PHACTR1: variants seen among roughly 807,000 people sequenced by gnomAD.
The protein encoded by PHACTR1 is RPEL repeat containing 1.
Under a neutral mutation model 69.2 loss-of-function variants are expected in PHACTR1, and 16 were observed. That is an observed-to-expected ratio of 0.23 (90% CI 0.16 to 0.35). The LOEUF is 0.35. Among genes scored for constraint, PHACTR1 ranks in the 10% least tolerant of loss-of-function variants. The pLI is 1.00. For missense variants in PHACTR1, 510 were observed against 734.7 expected (o/e 0.69, Z 3.54); for synonymous variants, 312 against 284.5 (o/e 1.10, Z -0.97).
chr6:13,035,401 T>G (rs1803157295), intron 4 of PHACTR1, among the ~76,000 whole-genome samples: 1 of 148,612 alleles, frequency 6.7e-6, no homozygotes, highest in South Asian at 2.2e-4. Context: ...TTTCAAAATA[T>G]AAATATTCCA....
chr6:13,186,263 A>G lies in PHACTR1; in HGVS notation c.664+3577A>G, dbSNP rs545264172. Among the ~76,000 whole-genome samples the G allele has an allele frequency of 3.3e-5, 5 of 152,338 alleles. No homozygotes were observed. The South Asian group carries it at 6.2e-4, about 19-fold the overall frequency. The stretch of plus-strand genomic sequence containing the variant: ...ATATCCACTGTCCATCTGTCTGTCT[A>G]TTGAATAAAAATTGAATGTTGCTGT... On this transcript the variant is annotated intron_variant, in intron 7 of 14. Coordinates refer to ENST00000332995, the MANE Select transcript of PHACTR1 (RefSeq NM_030948.6).
intron 8 of PHACTR1, among the ~76,000 whole-genome samples, chr6:13,211,659 T>C (rs147332291): frequency 1.3e-5 from 2 of 152,304 alleles, no homozygotes; most frequent in African/African-American, 2.4e-5. Context: ...TTTCTCTGGT[T>C]CCCCACATCT....
At position 13,148,062 on chromosome 6, in the gene PHACTR1, A is replaced by T. The variant is rs190997217; in HGVS notation, c.416-12142A>T. On this transcript the variant is annotated intron_variant, in intron 5 of 14. Coordinates refer to ENST00000332995, the MANE Select transcript of PHACTR1 (RefSeq NM_030948.6). The stretch of plus-strand genomic sequence containing the variant: ...TTAGAGATACATTTCTCTAAACCAT[A>T]TATTGAGTTTTTCTGGTTTTTGAAC... 3.8e-3 allele frequency among the ~76,000 whole-genome samples: 574 copies of T among 150,628 alleles called. 6 individuals carry two copies. The highest frequency in any genetic ancestry group is 0.013 in the African/African-American group (546 of 41,112).
At chr6:13,216,981 C>G (rs928798666) in intron 8 of PHACTR1, among the ~76,000 whole-genome samples, 3 of 151,920 alleles carry the variant, frequency 2.0e-5, no homozygotes. Flanking sequence ...ATTTTTTTTG[C>G]TTCAATAGAA....
At chr6:12,965,426 G>A (rs567801572) in intron 4 of PHACTR1, among the ~76,000 whole-genome samples, 7 of 140,598 alleles carry the variant, frequency 5.0e-5, no homozygotes, top group African/African-American at 1.6e-4. Flanking sequence ...CTGTTGATGT[G>A]TCTTTTTCAC....
At chr6:13,133,245 T>C (rs62389467) in intron 5 of PHACTR1, among the ~76,000 whole-genome samples, 41,553 of 54,810 alleles carry the variant, frequency 0.76, 14,816 homozygotes, top group East Asian at 0.94. Context: ...CCCTCTCCCT[T>C]TCCCTCTCCC....
rs182038525 is a variant in PHACTR1 at position 13,033,829 on chromosome 6, A to G, written c.251-19536A>G. 2.7e-3 allele frequency among the ~76,000 whole-genome samples: 408 copies of G among 152,330 alleles called. 2 individuals are homozygous for G. The highest frequency in any genetic ancestry group is 0.011 in the South Asian group (55 of 4,826). On this transcript the variant is annotated intron_variant, in intron 4 of 14. Transcript: ENST00000332995. ...AGTGCCCTAAACAAAGAACTAGTTT[A>G]TGACTTTTAATAAAATTGTTCATAC...
At chr6:12,889,371 C>G (rs1783944596) in intron 4 of PHACTR1, among the ~76,000 whole-genome samples, 1 of 152,210 alleles carries the variant, frequency 6.6e-6, no homozygotes, top group Non-Finnish European at 1.5e-5. Flanking sequence ...GAATGAGCCT[C>G]TATCTCTGCC....
chr6:13,162,035 T>A (rs551352926), intron 6 of PHACTR1, among the ~76,000 whole-genome samples: 1 of 152,200 alleles, frequency 6.6e-6, no homozygotes, highest in Non-Finnish European at 1.5e-5. Context: ...GAATCCATAC[T>A]TTTCTTGCAT....
intron 3 of PHACTR1, among the ~76,000 whole-genome samples, chr6:12,736,431 C>T (rs1466399262): frequency 6.6e-6 from 1 of 152,126 alleles, no homozygotes; most frequent in Non-Finnish European, 1.5e-5. Flanking sequence ...ATCTGCCTGA[C>T]TATAATATAC....
At chr6:13,079,598 C>T (rs1811061359) in intron 5 of PHACTR1, among the ~76,000 whole-genome samples, 1 of 152,124 alleles carries the variant, frequency 6.6e-6, no homozygotes, top group Non-Finnish European at 1.5e-5. Context: ...GCCACTGCTG[C>T]ATCCAGCAGT....
chr6:12,913,211 A>C (rs911575153), intron 4 of PHACTR1, among the ~76,000 whole-genome samples: 5 of 152,342 alleles, frequency 3.3e-5, no homozygotes, highest in South Asian at 4.1e-4. Flanking sequence ...AGAATATGGA[A>C]CAGCACTGGC....
intron 4 of PHACTR1, among the ~76,000 whole-genome samples, chr6:12,847,086 G>A (rs2127752037): frequency 6.6e-6 from 1 of 152,186 alleles, no homozygotes; most frequent in African/African-American, 2.4e-5. Context: ...CAAAGGGCTG[G>A]GATTATAGGC....
chr6:13,027,704 C>T (rs762275288), intron 4 of PHACTR1, among the ~76,000 whole-genome samples: 2 of 151,600 alleles, frequency 1.3e-5, no homozygotes, highest in South Asian at 4.2e-4. Context: ...GAGACAGAGT[C>T]TCACTCTGCC....
chr6:13,271,073 A>G (rs1229913126), intron 10 of PHACTR1, among the ~76,000 whole-genome samples: 1 of 151,546 alleles, frequency 6.6e-6, no homozygotes, highest in African/African-American at 2.4e-5. Context: ...CAGTGGCGCA[A>G]TGTCGGCTCA....
chr6:12,897,697 T>TA (rs1784800617), intron 4 of PHACTR1, among the ~76,000 whole-genome samples: 2 of 59,572 alleles, frequency 3.4e-5, no homozygotes, highest in Non-Finnish European at 6.4e-5. Context: ...CTTTGTAATC[T>TA]TTTATTATTA....
At chr6:13,273,226 C>G (rs913185903) in intron 11 of PHACTR1, 2 of 330,532 alleles carry the variant, frequency 6.1e-6, no homozygotes, top group Non-Finnish European at 1.1e-5. Context: ...TTTTTAAGAG[C>G]AGGGTCACCT....
At chr6:13,055,618 C>T (rs954829395) in intron 5 of PHACTR1, among the ~76,000 whole-genome samples, 1 of 152,200 alleles carries the variant, frequency 6.6e-6, no homozygotes, top group African/African-American at 2.4e-5. Context: ...TGTCATTTGT[C>T]ACCATGAATC....
intron 5 of PHACTR1, among the ~76,000 whole-genome samples, chr6:13,058,127 A>G (rs1470959445): frequency 1.3e-5 from 2 of 152,198 alleles, no homozygotes; most frequent in Non-Finnish European, 2.9e-5. Context: ...TCCACAATGC[A>G]TCTCCACACC....
Sources: allele counts gnomAD v4.1 joint callset (sites outside exome capture counted in the v4.1 genomes callset), GRCh38; gene constraint gnomAD v4.1.1; transcripts MANE v1.5; gene names NCBI Gene and HGNC (gene_info 2026-07-23, HGNC 2026-07-21).